AFDN: variants seen among roughly 807,000 people sequenced by gnomAD.
AFDN encodes afadin, adherens junction formation factor, also known as afadin.
In AFDN, 68 loss-of-function variants were observed where a neutral mutation model predicts 216.6. The ratio of observed to expected loss-of-function variants is 0.31; its 90% CI spans 0.26 to 0.38. The LOEUF (loss-of-function observed/expected upper bound fraction) is 0.38. Among genes scored for constraint, AFDN ranks in the 10% least tolerant of loss-of-function variants. The pLI is 1.00. For synonymous variants in AFDN, 868 were observed against 853.7 expected (o/e 1.02, Z -0.29); for missense variants, 2,136 against 2,342.0 (o/e 0.91, Z 1.82).
intron 25 of AFDN, 54 bp from the exon 26 acceptor site, chr6:167,943,887 C>T (rs994386064): frequency 2.8e-6 from 4 of 1,429,044 alleles, no homozygotes; most frequent in African/African-American, 1.4e-5. Context: ...CGATTCATGA[C>T]AGAGCAGGCA....
intron 2 of AFDN, among the ~76,000 whole-genome samples, chr6:167,869,526 A>G (rs947484003): frequency 2.0e-5 from 3 of 152,154 alleles, no homozygotes; most frequent in Non-Finnish European, 2.9e-5. Flanking sequence ...TTCCTGGGGA[A>G]TGTAGCCTGA....
At chr6:167,837,192 T>G (rs1383408084) in intron 1 of AFDN, among the ~76,000 whole-genome samples, 2 of 152,204 alleles carry the variant, frequency 1.3e-5, no homozygotes, top group Non-Finnish European at 2.9e-5. Flanking sequence ...TTAAAGTATA[T>G]TCTTGCAAAT....
chr6:167,963,197 G>A, intron 31 of AFDN: 1 of 1,065,722 alleles, frequency 9.4e-7, no homozygotes, highest in African/African-American at 1.6e-5. Flanking sequence ...TCTGAGAAAT[G>A]GGGATTTTGA....
chr6:167,871,425 C>T (rs1261105888), intron 3 of AFDN, among the ~76,000 whole-genome samples: 1 of 152,150 alleles, frequency 6.6e-6, no homozygotes, highest in Non-Finnish European at 1.5e-5. Context: ...TATTGGAACT[C>T]CTAAGACCAG....
Position 167,873,411 on chromosome 6 carries a change from T to C in AFDN, c.578+1034T>C, listed in dbSNP as rs146265140. Reference sequence around the variant, plus strand: ...TTTTAAACGATTATACAGTATTATATAGTTCTTCCATAATTTATGTAACTA... The same window carrying C: ...TTTTAAACGATTATACAGTATTATACAGTTCTTCCATAATTTATGTAACTA... On this transcript the variant is annotated intron_variant, in intron 4 of 33. Coordinates refer to ENST00000683244, the MANE Select transcript of AFDN (RefSeq NM_001386888.1). 2.8e-3 allele frequency among the ~76,000 whole-genome samples: 427 copies of C among 152,354 alleles called. 4 individuals are homozygous for C. Among genetic ancestry groups the C allele is most frequent in the African/African-American group, 9.5e-3 (394 of 41,592 alleles).
chr6:167,952,192 AG>A lies in AFDN; in HGVS notation c.4833+11del. On this transcript the variant is annotated splice_donor_region_variant and intron_variant, in intron 30 of 33. Transcript: ENST00000683244. ...GAGGCTGAACGAAGAGCGAGGGTAAAGGGGGGAGTGCTTTGGCTGTGCCCAT... is the reference window on the plus strand; with the variant it reads ...GAGGCTGAACGAAGAGCGAGGGTAAAGGGGGAGTGCTTTGGCTGTGCCCAT... 18 of 1,614,012 alleles carry A rather than the reference AG, an allele frequency of 1.1e-5. No homozygotes were observed. The highest frequency in any genetic ancestry group is 1.4e-5 in the Non-Finnish European group (17 of 1,179,936).
At chr6:167,926,288 TG>T (rs1792519104) in intron 23 of AFDN, among the ~76,000 whole-genome samples, 1 of 152,232 alleles carries the variant, frequency 6.6e-6, no homozygotes, top group Non-Finnish European at 1.5e-5. Context: ...AGGTCAGCTT[TG>T]CAGCGAACAA....
intron 1 of AFDN, among the ~76,000 whole-genome samples, chr6:167,844,512 TTGAC>T (rs753383440): frequency 3.0e-4 from 46 of 152,350 alleles, no homozygotes; most frequent in Non-Finnish European, 4.6e-4. Flanking sequence ...AATGAACACT[TTGAC>T]TGTTTCCACA....
chr6:167,913,531 C>T, intron 16 of AFDN, 108 bp downstream of exon 16: 1 of 1,024,306 alleles, frequency 9.8e-7, no homozygotes, highest in African/African-American at 1.6e-5. Flanking sequence ...CAGCTCATAA[C>T]ACTCATTCAG....
intron 1 of AFDN, among the ~76,000 whole-genome samples, chr6:167,846,652 C>T (rs1210736785): frequency 5.0e-5 from 7 of 141,132 alleles, no homozygotes; most frequent in African/African-American, 1.6e-4. Flanking sequence ...CCACAAACAT[C>T]ACAGTAAAGA....
intron 15 of AFDN, 77 bp downstream of exon 15, chr6:167,911,566 A>T: frequency 7.7e-7 from 1 of 1,297,384 alleles, no homozygotes; most frequent in Admixed American, 1.9e-5. Flanking sequence ...CAGCTTCTTT[A>T]AGGCTTCTCA....
chr6:167,951,121 G>C lies in AFDN; in HGVS notation c.3832-65G>C, dbSNP rs560666498. ...TTTTTCTTCTGTCTGAAGATAAAAT[G>C]TTTGTGGATATTTGGTAATTTCTAG... On this transcript the variant is annotated intron_variant, in intron 29 of 33. Transcript: ENST00000683244. The surrounding 1 kb of genome is among the most constrained non-coding windows in gnomAD (Gnocchi z 7.1). 6.7e-7 allele frequency: 1 copy of C among 1,487,708 alleles called. No homozygotes were observed. Among genetic ancestry groups the C allele is most frequent in the Admixed American group, 2.5e-5 (1 of 40,542 alleles). 92.2% of individuals were successfully genotyped at this position (1,487,708 alleles called of 1,614,324 possible). A position where few individuals can be genotyped will look rare whatever the true frequency, so the allele number is the denominator to read the frequency against.
intron 2 of AFDN, among the ~76,000 whole-genome samples, chr6:167,868,715 C>T (rs539356929): frequency 2.0e-5 from 3 of 150,270 alleles, no homozygotes; most frequent in South Asian, 2.1e-4. Context: ...TATCATTGGC[C>T]GAGTTTGTGC....
intron 30 of AFDN, among the ~76,000 whole-genome samples, chr6:167,953,997 T>C (rs530378858): frequency 3.9e-5 from 6 of 152,360 alleles, no homozygotes; most frequent in African/African-American, 1.4e-4. Flanking sequence ...TTGTAGTATT[T>C]CTGTAAGTAT....
Position 167,962,500 on chromosome 6 carries a change from G to T in AFDN, c.4901G>T (p.Arg1634Leu), listed in dbSNP as rs374571865. Residue 1634 changes from arginine (R) to leucine (L), a missense_variant, in exon 31 of 34, where the codon CGA becomes CTA. By Grantham distance (102) the Arg-to-Leu change is moderately radical (BLOSUM62 -2). This residue lies in a region of AFDN where 981 missense variants were observed against 966.0 expected (regional missense o/e 1.02). Coordinates refer to ENST00000683244, the MANE Select transcript of AFDN (RefSeq NM_001386888.1). The surrounding 1 kb of genome is among the most constrained non-coding windows in gnomAD (Gnocchi z 5.2). ...EEMRKREAEDRARQEEERRRQ... is the reference protein window; with the variant it reads ...EEMRKREAEDLARQEEERRRQ... ...ATGCGCAAGCGGGAAGCGGAAGACC[G>T]AGCGAGGCAAGAGGAAGAGCGCCGG... The T allele has an allele frequency of 9.3e-6, 15 of 1,613,698 alleles. No homozygotes were observed. The African/African-American group carries it at 1.7e-4, about 19-fold the overall frequency.
chr6:167,943,033 C>T lies in AFDN; in HGVS notation c.3100-96C>T, dbSNP rs1372370778. 3 of 850,764 alleles carry T rather than the reference C, an allele frequency of 3.5e-6. No individual in the cohort carries two copies. In the East Asian group the frequency reaches 7.8e-5, roughly 22 times the overall value. The allele number at this position is 850,764 out of a possible 1,614,324, so 52.7% of individuals were successfully genotyped here. A position where few individuals can be genotyped will look rare whatever the true frequency, so the allele number is the denominator to read the frequency against. On this transcript the variant is annotated intron_variant, in intron 23 of 33. Coordinates refer to ENST00000683244, the MANE Select transcript of AFDN (RefSeq NM_001386888.1). ...GGACTTTGTTGCAGTTATCTGTGTACATGTTGGGTGGTTTTATTTTTGTTT... is the reference window on the plus strand; with the variant it reads ...GGACTTTGTTGCAGTTATCTGTGTATATGTTGGGTGGTTTTATTTTTGTTT...
chr6:167,882,837 T>C (rs905826425), intron 6 of AFDN, among the ~76,000 whole-genome samples: 1 of 152,032 alleles, frequency 6.6e-6, no homozygotes, highest in Admixed American at 6.6e-5. Flanking sequence ...AAACTAGTAT[T>C]GAAAAGAATG....
intron 1 of AFDN, among the ~76,000 whole-genome samples, chr6:167,839,144 G>A (rs9505710): frequency 0.33 from 50,688 of 151,936 alleles, 8,855 homozygotes; most frequent in Middle Eastern, 0.41. Context: ...AATCAGTAAT[G>A]TTAACATTTT....
At chr6:167,838,477 G>T (rs528319248) in intron 1 of AFDN, among the ~76,000 whole-genome samples, 1 of 152,262 alleles carries the variant, frequency 6.6e-6, no homozygotes, top group African/African-American at 2.4e-5. Flanking sequence ...TGGAGACTCT[G>T]GTTCTCCTTA....
Sources: allele counts gnomAD v4.1 joint callset (sites outside exome capture counted in the v4.1 genomes callset), GRCh38; gene constraint gnomAD v4.1.1; regional missense constraint gnomAD v4.1.1; non-coding constraint Gnocchi (gnomAD v3.1); transcripts MANE v1.5; gene names NCBI Gene and HGNC (gene_info 2026-07-23, HGNC 2026-07-21).